ATP6V0D1: variants seen among roughly 807,000 people sequenced by gnomAD.
ATP6V0D1 encodes the protein V-type proton ATPase subunit d 1.
ATP6V0D1 carries 13 observed loss-of-function variants against 39.0 expected under a neutral mutation model. That is an observed-to-expected ratio of 0.33 (90% CI 0.22 to 0.53). The LOEUF (loss-of-function observed/expected upper bound fraction) is 0.53, where lower values mean the gene tolerates loss of function less well. Among genes scored for constraint, ATP6V0D1 ranks in the 20% least tolerant of loss-of-function variants. The probability of loss-of-function intolerance (pLI) is 0.94; values close to 1 mark genes in which losing one functional copy is unlikely to be tolerated. For synonymous variants in ATP6V0D1, 191 were observed against 191.2 expected (o/e 1.00, Z 0.01); for missense variants, 272 against 470.9 (o/e 0.58, Z 3.91).
rs373258837 is a variant in ATP6V0D1 at position 67,481,141 on chromosome 16, G to A, written c.-55C>T. On this transcript the variant is annotated 5_prime_UTR_variant, in exon 1 of 8. Transcript: ENST00000290949. ...ACCAGGACCGGCCGGCACGAATCGC[G>A]ACTCCCCAGGTCAGCTGACGCTGCG... The A allele has an allele frequency of 1.9e-6, 3 of 1,608,724 alleles. No homozygotes were observed. Among genetic ancestry groups the A allele is most frequent in the Admixed American group, 1.7e-5 (1 of 59,782 alleles).
intron 2 of ATP6V0D1, among the ~76,000 whole-genome samples, chr16:67,446,306 C>G (rs1203961277): frequency 6.6e-6 from 1 of 152,186 alleles, no homozygotes; most frequent in East Asian, 1.9e-4. Flanking sequence ...CTGCACTCCC[C>G]CAGCTCCCAC....
rs11320628 is a variant in ATP6V0D1, at chr16:67,442,451, C to CT, written c.561+647dup. Among the ~76,000 whole-genome samples the CT allele has an allele frequency of 1.4e-3, 201 of 143,210 alleles. 1 individual carries two copies. The highest frequency in any genetic ancestry group is 5.9e-3 in the East Asian group (29 of 4,912). 94.0% of individuals were successfully genotyped at this position (143,210 alleles called of 152,430 possible). The stretch of plus-strand genomic sequence containing the variant: ...CACCCCTAACCTAACTGGTCTCGGG[C>CT]TTTTTTTTTTTTTTTTTAAATTTTT... On this transcript the variant is annotated intron_variant, in intron 4 of 7. Transcript: ENST00000290949.
intron 1 of ATP6V0D1, among the ~76,000 whole-genome samples, chr16:67,464,528 C>T (rs548492179): frequency 6.6e-6 from 1 of 152,196 alleles, no homozygotes; most frequent in Non-Finnish European, 1.5e-5. Flanking sequence ...TGCAACCCAG[C>T]CCCTGAGGGC....
intron 1 of ATP6V0D1, among the ~76,000 whole-genome samples, chr16:67,463,088 G>C (rs2041301775): frequency 6.6e-6 from 1 of 152,186 alleles, no homozygotes; most frequent in African/African-American, 2.4e-5. Flanking sequence ...CAGTTCCACG[G>C]TGCCTAGAGC....
chr16:67,448,068 G>A (rs1037512870), intron 2 of ATP6V0D1, among the ~76,000 whole-genome samples: 18 of 152,294 alleles, frequency 1.2e-4, no homozygotes, highest in African/African-American at 3.4e-4. Context: ...AGATGAGTGA[G>A]GGCCAGGCAT....
At chr16:67,442,988 C>T in intron 4 of ATP6V0D1, 111 bp downstream of exon 4, 1 of 1,149,356 alleles carries the variant, frequency 8.7e-7, no homozygotes, top group Non-Finnish European at 1.3e-6. Flanking sequence ...GGGATAGGAG[C>T]CTGACATAGC....
chr16:67,449,138 C>T (rs1184309802), intron 2 of ATP6V0D1, among the ~76,000 whole-genome samples: 3 of 152,256 alleles, frequency 2.0e-5, no homozygotes, highest in Non-Finnish European at 2.9e-5. Context: ...CCACTCCAGG[C>T]TGGTGGCACT....
rs555365813 is a variant in ATP6V0D1, at chr16:67,480,412, A to G, written c.130+545T>C. Among the ~76,000 whole-genome samples, 11 of 152,236 alleles carry G rather than the reference A, an allele frequency of 7.2e-5. No homozygotes were observed. In the South Asian group the frequency reaches 2.3e-3, roughly 32 times the overall value. ...CCTTGTTCTCCCAAACATTGCCTTC[A>G]GGAGATACTGCCCAGCCAGCAGTTC... On this transcript the variant is annotated intron_variant, in intron 1 of 7. Coordinates refer to ENST00000290949, the MANE Select transcript of ATP6V0D1 (RefSeq NM_004691.5).
At chr16:67,461,048 C>T (rs148386468) in intron 1 of ATP6V0D1, among the ~76,000 whole-genome samples, 7 of 152,310 alleles carry the variant, frequency 4.6e-5, no homozygotes, top group East Asian at 1.9e-4. Context: ...GCAAAGGCAG[C>T]GGTTTACAGA....
intron 1 of ATP6V0D1, among the ~76,000 whole-genome samples, chr16:67,473,459 CT>C (rs2041391191): frequency 6.6e-6 from 1 of 152,052 alleles, no homozygotes; most frequent in Non-Finnish European, 1.5e-5. Flanking sequence ...AGCGATTTTC[CT>C]GCCTCAGCCT....
At chr16:67,465,492 C>A (rs2041321769) in intron 1 of ATP6V0D1, among the ~76,000 whole-genome samples, 1 of 152,198 alleles carries the variant, frequency 6.6e-6, no homozygotes, top group Non-Finnish European at 1.5e-5. Flanking sequence ...GTGCATGGTT[C>A]TAGGAGCCTG....
At chr16:67,452,011 C>T (rs1480024513) in intron 2 of ATP6V0D1, among the ~76,000 whole-genome samples, 1 of 152,372 alleles carries the variant, frequency 6.6e-6, no homozygotes, top group East Asian at 1.9e-4. Context: ...CCAGAACATT[C>T]ACCAGGAAGC....
At chr16:67,438,943 C>T (rs2041011983) in intron 6 of ATP6V0D1, 28 bp downstream of exon 6, 2 of 1,613,454 alleles carry the variant, frequency 1.2e-6, no homozygotes, top group Non-Finnish European at 1.7e-6. Flanking sequence ...ACACATCCAA[C>T]CGCTGTCCTG....
chr16:67,465,167 A>C (rs920980555), intron 1 of ATP6V0D1, among the ~76,000 whole-genome samples: 6 of 152,228 alleles, frequency 3.9e-5, no homozygotes, highest in Admixed American at 3.9e-4. Flanking sequence ...GGCAGACGCC[A>C]AGGAGCCCAA....
Position 67,456,269 on chromosome 16 carries a change from T to C in ATP6V0D1, c.131-2554A>G, listed in dbSNP as rs980299714. 1 of 152,220 alleles carries C rather than the reference T, an allele frequency of 6.6e-6. No homozygotes were observed. Among genetic ancestry groups the C allele is most frequent in the Non-Finnish European group, 1.5e-5 (1 of 68,054 alleles). 9.4% of individuals were successfully genotyped at this position (152,220 alleles called of 1,614,324 possible). On this transcript the variant is annotated intron_variant, in intron 1 of 7. Transcript: ENST00000290949. The surrounding 1 kb of genome is among the most constrained non-coding windows in gnomAD (Gnocchi z 4.1). ...GCCTCAGCCTCCCAAAGTGCTGCGA[T>C]TACAGGCGTGAACCACGTGTGCAAG...
intron 1 of ATP6V0D1, among the ~76,000 whole-genome samples, chr16:67,465,265 AGTGCTTACATGGTGTTCAG>A (rs2041320239): frequency 6.6e-6 from 1 of 152,332 alleles, no homozygotes; most frequent in East Asian, 1.9e-4. Flanking sequence ...GTGGACCTGC[AGTGCTTACATGGTGTTCAG>A]GTGCCTGGTT....
intron 1 of ATP6V0D1, among the ~76,000 whole-genome samples, chr16:67,464,485 T>C (rs2041313960): frequency 6.6e-6 from 1 of 152,220 alleles, no homozygotes. Flanking sequence ...GACACTGTTC[T>C]AGCCTCGTCA....
In ATP6V0D1 at chr16:67,439,418, C is replaced by A; in HGVS notation, c.562-67G>T. 2.1e-6 allele frequency: 3 copies of A among 1,457,004 alleles called. No individual in the cohort carries two copies. In the Admixed American group the frequency reaches 5.3e-5, roughly 26 times the overall value. The allele number at this position is 1,457,004 out of a possible 1,614,324, so 90.3% of individuals were successfully genotyped here. On this transcript the variant is annotated intron_variant, in intron 4 of 7. Coordinates refer to ENST00000290949, the MANE Select transcript of ATP6V0D1 (RefSeq NM_004691.5). ...TCTGGAGGGCTTGCTAGGCACAAGC[C>A]CTCACAGCTCCCTCCTCCCCTCCCT...
chr16:67,452,503 A>G, intron 2 of ATP6V0D1: 1 of 1,074,034 alleles, frequency 9.3e-7, no homozygotes, highest in Non-Finnish European at 1.4e-6. Flanking sequence ...CAGGTGTGCC[A>G]GGTCCCAAGG....
Sources: gnomAD v4.1 joint callset for allele counts (sites outside exome capture counted in the v4.1 genomes callset) on GRCh38, gnomAD v4.1.1 for gene constraint, Gnocchi (gnomAD v3.1) non-coding constraint, MANE v1.5 for transcripts, NCBI Gene and HGNC (gene_info 2026-07-23, HGNC 2026-07-21) for gene names.